The following SLC25A30 variants were observed in gnomAD, a reference collection of about 807,000 sequenced individuals.
The protein encoded by SLC25A30 is solute carrier family 25 member 30.
In SLC25A30, 29 loss-of-function variants were observed where a neutral mutation model predicts 42.7. The observed-to-expected ratio is 0.68, with a 90% CI of 0.51 to 0.93. SLC25A30 has a LOEUF of 0.93. Ranked by LOEUF, SLC25A30 falls within the 40% of genes least tolerant of loss-of-function variation. The pLI is 0.00. For synonymous variants in SLC25A30, 124 were observed against 131.0 expected (o/e 0.95, Z 0.37); for missense variants, 300 against 359.7 (o/e 0.83, Z 1.34).
At chr13:45,414,340 G>A (rs914130144) in intron 1 of SLC25A30, among the ~76,000 whole-genome samples, 9 of 152,022 alleles carry the variant, frequency 5.9e-5, no homozygotes, top group African/African-American at 1.2e-4. Context: ...AAAAGGGGGC[G>A]GGCGCAGTGG....
the SLC25A30 span, among the ~76,000 whole-genome samples, chr13:45,423,612 T>C: frequency 9.7e-6 from 1 of 102,880 alleles, no homozygotes; most frequent in Non-Finnish European, 1.8e-5. Flanking sequence ...TATAAATATA[T>C]ATAAAATATA....
the SLC25A30 span, among the ~76,000 whole-genome samples, chr13:45,428,793 T>C: frequency 6.6e-6 from 1 of 151,834 alleles, no homozygotes; most frequent in Non-Finnish European, 1.5e-5. Context: ...AGTGCAGGGA[T>C]TACAGGTGTG....
chr13:45,396,131 A>G, intron 9 of SLC25A30, 116 bp from the exon 10 acceptor site: 8 of 1,600,080 alleles, frequency 5.0e-6, no homozygotes, highest in East Asian at 2.2e-5. Context: ...GACCCACGCT[A>G]TGGACACGAT....
At chr13:45,424,850 A>AC in the SLC25A30 span, among the ~76,000 whole-genome samples, 1 of 45,104 alleles carries the variant, frequency 2.2e-5, no homozygotes, top group African/African-American at 1.2e-4. Context: ...AAATATATAT[A>AC]AATATATATA....
intron 1 of SLC25A30, among the ~76,000 whole-genome samples, chr13:45,415,943 G>A (rs1182929205): frequency 6.7e-6 from 1 of 149,836 alleles, no homozygotes; most frequent in Non-Finnish European, 1.5e-5. Flanking sequence ...GGGATTACAG[G>A]CACGTGCCAC....
chr13:45,429,380 T>C, the SLC25A30 span, among the ~76,000 whole-genome samples: 1 of 152,072 alleles, frequency 6.6e-6, no homozygotes, highest in African/African-American at 2.4e-5. Flanking sequence ...GTGCAAGCTC[T>C]TAAAGAATTG....
At chr13:45,408,333 A>C (rs1474720774) in intron 3 of SLC25A30, among the ~76,000 whole-genome samples, 2 of 152,066 alleles carry the variant, frequency 1.3e-5, no homozygotes, top group Non-Finnish European at 2.9e-5. Flanking sequence ...TCATTTTTAA[A>C]ATATTGGCTC....
At chr13:45,409,199 C>T in intron 2 of SLC25A30, 125 bp from the exon 3 acceptor site, 8 of 686,064 alleles carry the variant, frequency 1.2e-5, no homozygotes, top group Non-Finnish European at 1.7e-5. Context: ...TAAGAAATGG[C>T]ACTTTGCAAT....
At chr13:45,419,130 T>TAAAA (rs374462224), upstream of SLC25A30, among the ~76,000 whole-genome samples, 10 of 90,346 alleles carry the variant, frequency 1.1e-4, no homozygotes, top group Middle Eastern at 7.2e-3. Context: ...TACTCCCTCT[T>TAAAA]AAAAAAAAAA....
At chr13:45,423,802 T>TA in the SLC25A30 span, among the ~76,000 whole-genome samples, 1 of 48,386 alleles carries the variant, frequency 2.1e-5, no homozygotes, top group Non-Finnish European at 3.8e-5. Flanking sequence ...AAATATATAT[T>TA]TATATATATA....
At chr13:45,430,352 A>T in the SLC25A30 span, among the ~76,000 whole-genome samples, 1 of 152,160 alleles carries the variant, frequency 6.6e-6, no homozygotes. Flanking sequence ...ATCTCTATAG[A>T]GATGGCAAAA....
chr13:45,399,092 A>AT lies in SLC25A30; in HGVS notation c.615-15dup. 1 of 1,555,638 alleles carries AT rather than the reference A, an allele frequency of 6.4e-7. No individual in the cohort carries two copies. Among genetic ancestry groups the AT allele is most frequent in the Non-Finnish European group, 8.6e-7 (1 of 1,156,330 alleles). ...GTGAAGCTTGAGCTATAAAGACACC[A>AT]TTGGAAAAAAAAAAAAAAGTTAACC... On this transcript the variant is annotated splice_polypyrimidine_tract_variant and intron_variant, in intron 7 of 9. Coordinates refer to ENST00000519676, the MANE Select transcript of SLC25A30 (RefSeq NM_001010875.4).
chr13:45,424,578 AAT>A, the SLC25A30 span, among the ~76,000 whole-genome samples: 50 of 42,640 alleles, frequency 1.2e-3, 1 homozygote, highest in East Asian at 0.022. Flanking sequence ...TAAATATATA[AAT>A]ATATATAAAT....
chr13:45,416,145 T>C (rs1593631988), intron 1 of SLC25A30, among the ~76,000 whole-genome samples: 1 of 150,990 alleles, frequency 6.6e-6, no homozygotes, highest in South Asian at 2.2e-4. Context: ...CGGTGGCTCA[T>C]GCCTGTAATC....
At chr13:45,423,593 A>C in the SLC25A30 span, among the ~76,000 whole-genome samples, 2 of 25,684 alleles carry the variant, frequency 7.8e-5, no homozygotes, top group East Asian at 6.5e-4. Context: ...ATATATAAAT[A>C]TATATATATA....
In SLC25A30 at chr13:45,401,249, T is replaced by C. The variant is rs372039198; in HGVS notation, c.490-42A>G. The C allele has an allele frequency of 3.7e-6, 6 of 1,603,150 alleles. No homozygotes were observed. In the African/African-American group the frequency reaches 8.0e-5, roughly 21 times the overall value. ...ACAATAAAAATGATTCTGATATGCC[T>C]CTGTAGAACAAGCCTTGCAAATGTG... On this transcript the variant is annotated intron_variant, in intron 6 of 9. Transcript: ENST00000519676.
In SLC25A30 at chr13:45,395,769, T is replaced by C; in HGVS notation, c.*205A>G. On this transcript the variant is annotated 3_prime_UTR_variant, in exon 10 of 10. Transcript: ENST00000519676. ...CACTTCAGTGGTAAAGACTAGTGTT[T>C]GGATGTTAGTTTATGCCATTAAACG... is the stretch of plus-strand genomic sequence containing the variant. 1 of 1,442,950 alleles carries C rather than the reference T, an allele frequency of 6.9e-7. No homozygotes were observed. Among genetic ancestry groups the C allele is most frequent in the African/African-American group, 1.4e-5 (1 of 70,236 alleles). 89.4% of individuals were successfully genotyped at this position (1,442,950 alleles called of 1,614,324 possible). A position where few individuals can be genotyped will look rare whatever the true frequency, so the allele number is the denominator to read the frequency against.
At chr13:45,432,455 T>C in the SLC25A30 span, among the ~76,000 whole-genome samples, 1 of 152,086 alleles carries the variant, frequency 6.6e-6, no homozygotes, top group Non-Finnish European at 1.5e-5. Context: ...ATTATTACCA[T>C]CATCAGGATT....
Position 45,395,884 on chromosome 13 carries a change from C to T in SLC25A30, c.*90G>A. ...TCACATCCCAGAATCTGTGATGAGCCAAGCAGTGAGAAGCAGAGTGAAACA... is the reference window on the plus strand; with the variant it reads ...TCACATCCCAGAATCTGTGATGAGCTAAGCAGTGAGAAGCAGAGTGAAACA... On this transcript the variant is annotated 3_prime_UTR_variant, in exon 10 of 10. Coordinates refer to ENST00000519676, the MANE Select transcript of SLC25A30 (RefSeq NM_001010875.4). The T allele has an allele frequency of 2.5e-6, 4 of 1,611,972 alleles. No homozygotes were observed. In the Admixed American group the frequency reaches 6.7e-5, roughly 27 times the overall value.
Sources: gnomAD v4.1 joint callset for allele counts (sites outside exome capture counted in the v4.1 genomes callset) on GRCh38, gnomAD v4.1.1 for gene constraint, MANE v1.5 for transcripts, NCBI Gene and HGNC (gene_info 2026-07-23, HGNC 2026-07-21) for gene names.